FHIT: variants seen among roughly 807,000 people sequenced by gnomAD.
The protein encoded by FHIT is bis(5'-adenosyl)-triphosphatase.
FHIT carries 19 observed loss-of-function variants against 17.9 expected under a neutral mutation model. The ratio of observed to expected loss-of-function variants is 1.06; its 90% CI spans 0.74 to 1.56. The LOEUF (loss-of-function observed/expected upper bound fraction) is 1.56, where lower values mean the gene tolerates loss of function less well. Among genes scored for constraint, FHIT ranks in the 40% most tolerant of loss-of-function variants. The pLI is 0.00. For synonymous variants in FHIT, 81 were observed against 69.7 expected, an observed-to-expected ratio of 1.16 and a Z score of -0.81; for missense variants, 248 against 189.2, an observed-to-expected ratio of 1.31 and a Z score of -1.82.
intron 4 of FHIT, among the ~76,000 whole-genome samples, chr3:60,766,505 C>T (rs1553721481): frequency 6.6e-6 from 1 of 152,140 alleles, no homozygotes; most frequent in Admixed American, 6.5e-5. Context: ...TCAAATTCTT[C>T]CTGTATAGAA....
chr3:60,251,320 T>C (rs913606340), intron 5 of FHIT, among the ~76,000 whole-genome samples: 1 of 152,166 alleles, frequency 6.6e-6, no homozygotes, highest in Admixed American at 6.5e-5. Flanking sequence ...GAGGGAGTAG[T>C]ACATAGGGAG....
chr3:60,229,289 C>G (rs1054420832), intron 5 of FHIT, among the ~76,000 whole-genome samples: 1 of 151,946 alleles, frequency 6.6e-6, no homozygotes, highest in Non-Finnish European at 1.5e-5. Context: ...TGGTGGTGAG[C>G]ATCTGCAATC....
At chr3:61,231,378 C>T (rs1457561071) in intron 1 of FHIT, among the ~76,000 whole-genome samples, 1 of 151,850 alleles carries the variant, frequency 6.6e-6, no homozygotes, top group African/African-American at 2.4e-5. Flanking sequence ...CCTATGGTTC[C>T]AGCTACTCGG....
intron 1 of FHIT, among the ~76,000 whole-genome samples, chr3:61,217,322 C>G (rs1312598017): frequency 6.6e-6 from 1 of 152,098 alleles, no homozygotes; most frequent in Non-Finnish European, 1.5e-5. Context: ...CTCATGCCCT[C>G]AAATATCTAA....
chr3:59,754,693 A>G (rs1683354), intron 8 of FHIT, among the ~76,000 whole-genome samples: 45,601 of 152,130 alleles, frequency 0.3, 8,334 homozygotes, highest in African/African-American at 0.5. Flanking sequence ...GTTATTAGGC[A>G]ACCGTCTGTT....
intron 3 of FHIT, among the ~76,000 whole-genome samples, chr3:60,949,980 G>C (rs1490111495): frequency 6.6e-6 from 1 of 152,198 alleles, no homozygotes; most frequent in East Asian, 1.9e-4. Flanking sequence ...ATCAATGACA[G>C]ACCACATATA....
intron 3 of FHIT, among the ~76,000 whole-genome samples, chr3:61,034,447 A>G (rs1190490784): frequency 1.3e-5 from 2 of 152,130 alleles, no homozygotes; most frequent in East Asian, 3.9e-4. Context: ...AACAAAAACA[A>G]CAAAAAAACC....
intron 3 of FHIT, among the ~76,000 whole-genome samples, chr3:60,989,588 T>G (rs2030003072): frequency 1.3e-5 from 2 of 152,198 alleles, no homozygotes; most frequent in Admixed American, 1.3e-4. Context: ...TTAGAAAGGT[T>G]AGTAAATCTT....
intron 8 of FHIT, among the ~76,000 whole-genome samples, chr3:59,816,185 T>C (rs924927435): frequency 1.3e-5 from 2 of 152,194 alleles, no homozygotes; most frequent in African/African-American, 4.8e-5. Flanking sequence ...AGTTCTTCTG[T>C]GCCTCAAGTT....
intron 3 of FHIT, among the ~76,000 whole-genome samples, chr3:60,942,831 A>G (rs1178644066): frequency 6.6e-6 from 1 of 152,138 alleles, no homozygotes; most frequent in Non-Finnish European, 1.5e-5. Flanking sequence ...GTATACATTT[A>G]TGAGTCTATA....
intron 4 of FHIT, among the ~76,000 whole-genome samples, chr3:60,627,253 T>A (rs2039314009): frequency 6.6e-6 from 1 of 152,342 alleles, no homozygotes; most frequent in Middle Eastern, 3.4e-3. Context: ...ATTTTTTAAA[T>A]GTTTGGTAGA....
chr3:60,188,147 T>C (rs916336172), intron 5 of FHIT, among the ~76,000 whole-genome samples: 1 of 151,100 alleles, frequency 6.6e-6, no homozygotes, highest in Non-Finnish European at 1.5e-5. Flanking sequence ...CATAGTACAA[T>C]CCATTGAATG....
At chr3:60,898,132 A>G (rs1705925183) in intron 3 of FHIT, among the ~76,000 whole-genome samples, 1 of 152,200 alleles carries the variant, frequency 6.6e-6, no homozygotes, top group African/African-American at 2.4e-5. Context: ...GTTCTCTACT[A>G]TACTTGCTAT....
chr3:60,257,903 G>A (rs73099453), intron 5 of FHIT, among the ~76,000 whole-genome samples: 59,584 of 151,874 alleles, frequency 0.39, 13,678 homozygotes, highest in Non-Finnish European at 0.52. Flanking sequence ...GAGGGTCAAC[G>A]GGGAGGAGAG....
chr3:60,557,547 G>A lies in FHIT; in HGVS notation c.-17-20568C>T, dbSNP rs780544919. 6.6e-5 allele frequency among the ~76,000 whole-genome samples: 10 copies of A among 151,762 alleles called. No individual in the cohort carries two copies. The South Asian group carries it at 1.5e-3, about 22-fold the overall frequency. ...ATAAGGTGGCCATGCCAGGTCTCTC[G>A]GGGTCAAGCAGACAGGCCAAGGGTG... is the stretch of plus-strand genomic sequence containing the variant. On this transcript the variant is annotated intron_variant, in intron 4 of 9. Transcript: ENST00000492590.
At chr3:60,950,185 A>T in intron 3 of FHIT, among the ~76,000 whole-genome samples, 1 of 152,246 alleles carries the variant, frequency 6.6e-6, no homozygotes, top group East Asian at 1.9e-4. Flanking sequence ...CTAATGACAC[A>T]GTTTTCATTA....
At chr3:60,025,149 G>A (rs1171290434) in intron 5 of FHIT, among the ~76,000 whole-genome samples, 1 of 152,178 alleles carries the variant, frequency 6.6e-6, no homozygotes. Context: ...ACAGTGTCAT[G>A]TAGCTCACCA....
rs185341208 is a variant in FHIT at position 60,664,852 on chromosome 3, A to G, written c.-17-127873T>C. Reference sequence around the variant, plus strand: ...TCCTATTTCCTTCCTGGTATTGGTAATTTTGTTATTGTCAATTTTGCTAGT... The same window carrying G: ...TCCTATTTCCTTCCTGGTATTGGTAGTTTTGTTATTGTCAATTTTGCTAGT... On this transcript the variant is annotated intron_variant, in intron 4 of 9. Transcript: ENST00000492590. 1.1e-3 allele frequency among the ~76,000 whole-genome samples: 163 copies of G among 151,632 alleles called. 1 individual carries two copies. Among genetic ancestry groups the G allele is most frequent in the African/African-American group, 3.9e-3 (160 of 41,404 alleles).
intron 5 of FHIT, among the ~76,000 whole-genome samples, chr3:60,313,016 T>C (rs964036265): frequency 3.3e-5 from 5 of 152,166 alleles, no homozygotes; most frequent in African/African-American, 1.2e-4. Flanking sequence ...TTCCCCCAGA[T>C]TACAGATGAA....
Sources: allele counts gnomAD v4.1 joint callset (sites outside exome capture counted in the v4.1 genomes callset), GRCh38; gene constraint gnomAD v4.1.1; transcripts MANE v1.5; gene names NCBI Gene and HGNC (gene_info 2026-07-23, HGNC 2026-07-21).